The following RAD1 variants were observed in gnomAD, a reference collection of about 807,000 sequenced individuals.
RAD1 encodes the protein cell cycle checkpoint protein RAD1.
Under a neutral mutation model 30.0 loss-of-function variants are expected in RAD1, and 21 were observed. The ratio of observed to expected loss-of-function variants is 0.70; its 90% CI spans 0.50 to 1.01. RAD1 has a LOEUF of 1.01. Among genes scored for constraint, RAD1 ranks in the 50% least tolerant of loss-of-function variants. The pLI is 0.00. For synonymous variants in RAD1, 109 were observed against 113.6 expected (o/e 0.96, Z 0.26); for missense variants, 329 against 329.0 (o/e 1.00, Z 0.00).
chr5:34,915,069 G>T, intron 1 of RAD1, 108 bp from the exon 2 acceptor site: 1 of 618,510 alleles, frequency 1.6e-6, no homozygotes, highest in Non-Finnish European at 2.8e-6. Flanking sequence ...GGCTGACCAG[G>T]CCGAACCCCA....
intron 4 of RAD1, among the ~76,000 whole-genome samples, chr5:34,911,003 C>T (rs186806552): frequency 2.0e-3 from 301 of 152,290 alleles, no homozygotes; most frequent in Non-Finnish European, 3.5e-3. Flanking sequence ...TACAGCATTT[C>T]CCAGGTATCT....
At position 34,914,939 on chromosome 5, in the gene RAD1, C is replaced by G. The variant is rs755364544; in HGVS notation, c.-47G>C. On this transcript the variant is annotated 5_prime_UTR_variant, in exon 2 of 6. Transcript: ENST00000382038. ...CGAGGGATGCTCCTGGGGCCAACAA[C>G]TTCTCGGCGGATCGCCAAACACCTG... The G allele has an allele frequency of 2.5e-6, 4 of 1,603,692 alleles. No individual in the cohort carries two copies. The African/African-American group carries it at 4.0e-5, about 16-fold the overall frequency.
At chr5:34,911,221 C>T (rs1406816284) in intron 4 of RAD1, among the ~76,000 whole-genome samples, 1 of 152,202 alleles carries the variant, frequency 6.6e-6, no homozygotes, top group Admixed American at 6.5e-5. Context: ...ATAATACAAA[C>T]ACCCTTTCCA....
chr5:34,914,470 TA>T (rs1393939128), intron 2 of RAD1: 4 of 555,584 alleles, frequency 7.2e-6, no homozygotes, highest in Non-Finnish European at 1.3e-5. Flanking sequence ...ATTATCTCTG[TA>T]AAACAAGATG....
intron 3 of RAD1, among the ~76,000 whole-genome samples, chr5:34,912,201 T>G (rs1561169179): frequency 6.6e-6 from 1 of 152,232 alleles, no homozygotes; most frequent in Non-Finnish European, 1.5e-5. Context: ...TGTGTAACAG[T>G]GGATTGCTGT....
chr5:34,908,531 C>A lies in RAD1; in HGVS notation c.*234G>T. On this transcript the variant is annotated 3_prime_UTR_variant, in exon 6 of 6. Transcript: ENST00000382038. ...ATTCCCATGAGTTCAAAAGACAGAA[C>A]TAAAGGACAGTCCTGAATAATCTAT... 2.8e-6 allele frequency: 1 copy of A among 361,848 alleles called. No individual in the cohort carries two copies. The highest frequency in any genetic ancestry group is 7.6e-5 in the South Asian group (1 of 13,186). The allele number at this position is 361,848 out of a possible 1,614,324, so 22.4% of individuals were successfully genotyped here.
chr5:34,908,973 G>A (rs1276835554), intron 5 of RAD1, 25 bp from the exon 6 acceptor site: 2 of 1,574,016 alleles, frequency 1.3e-6, no homozygotes, highest in Non-Finnish European at 1.7e-6. Context: ...ATAAAACGCT[G>A]TTATATCAAC....
intron 3 of RAD1, 74 bp from the exon 4 acceptor site, chr5:34,911,886 A>G (rs1763859133): frequency 1.5e-5 from 22 of 1,505,238 alleles, no homozygotes; most frequent in East Asian, 2.3e-5. Flanking sequence ...AATGATACAT[A>G]AAATTTCTCA....
rs762210840 is a variant in RAD1, at chr5:34,911,679, G to C, written c.441C>G (p.Phe147Leu). Residue 147 changes from phenylalanine (F) to leucine (L), a missense_variant, in exon 4 of 6, where the codon TTC becomes TTG. Transcript: ENST00000382038. ...QEPEETLDFD[F>L]CSTNVINKII... is the part of the protein sequence containing the mutation. ...TTTTATTAATAACATTGGTGCTGCA[G>C]AAATCAAAGTCCAGGGTCTCCTCAG... is the stretch of plus-strand genomic sequence containing the variant. The C allele has an allele frequency of 4.3e-6, 7 of 1,614,144 alleles. No homozygotes were observed. The highest frequency in any genetic ancestry group is 5.9e-6 in the Non-Finnish European group (7 of 1,180,038).
At position 34,908,687 on chromosome 5, in the gene RAD1, A is replaced by T; in HGVS notation, c.*78T>A. 7.7e-7 allele frequency: 1 copy of T among 1,295,790 alleles called. No homozygotes were observed. The highest frequency in any genetic ancestry group is 1.1e-6 in the Non-Finnish European group (1 of 941,640). The allele number at this position is 1,295,790 out of a possible 1,614,324, so 80.3% of individuals were successfully genotyped here. ...TTCTCTATAGAAAATCCAATATGAA[A>T]TGACAAAGAGTACTGTACTCAGAAT... is the stretch of plus-strand genomic sequence containing the variant. On this transcript the variant is annotated 3_prime_UTR_variant, in exon 6 of 6. Transcript: ENST00000382038.
rs751476660 is a variant in RAD1, at chr5:34,907,487, G to C, written c.*1278C>G. 1 of 152,164 alleles carries C rather than the reference G, an allele frequency of 6.6e-6. No homozygotes were observed. Among genetic ancestry groups the C allele is most frequent in the Non-Finnish European group, 1.5e-5 (1 of 68,032 alleles). 9.4% of individuals were successfully genotyped at this position (152,164 alleles called of 1,614,324 possible). The stretch of plus-strand genomic sequence containing the variant: ...AAGACAGAAGCTTCACTTTACTCAT[G>C]TAATTTTTTCTACTAGACAGGAAGA... On this transcript the variant is annotated 3_prime_UTR_variant, in exon 6 of 6. Transcript: ENST00000382038.
rs200228307 is a variant in RAD1 at position 34,911,713 on chromosome 5, G to A, written c.407C>T (p.Thr136Ile). 6.2e-7 allele frequency: 1 copy of A among 1,614,154 alleles called. No individual in the cohort carries two copies. The change falls in exon 4 of 6, where the codon ACA (threonine) becomes ATA (isoleucine). Residue 136 changes from threonine to isoleucine, a missense_variant. Thr to Ile is a moderately conservative substitution (Grantham distance 89, BLOSUM62 -1). Coordinates refer to ENST00000382038, the MANE Select transcript of RAD1 (RefSeq NM_002853.4). ...GGVVTVCKINTQEPEETLDFD... is the reference protein window; with the variant it reads ...GGVVTVCKINIQEPEETLDFD... ...GTCCAGGGTCTCCTCAGGTTCCTGT[G>A]TATTGATTTTGCAGACTGTCACCAC...
Position 34,909,238 on chromosome 5 carries a change from C to A in RAD1, c.665+20G>T, listed in dbSNP as rs372800056. 3.9e-6 allele frequency: 6 copies of A among 1,529,694 alleles called. No individual in the cohort carries two copies. The highest frequency in any genetic ancestry group is 2.8e-5 in the African/African-American group (2 of 72,726). 94.8% of individuals were successfully genotyped at this position (1,529,694 alleles called of 1,614,324 possible). ...ACCTCCTCTTTATCACCAATGACAA[C>A]CTCTATATTAAGAACTGACCTGTTG... On this transcript the variant is annotated intron_variant, in intron 5 of 5. Transcript: ENST00000382038.
At chr5:34,911,924 A>C in intron 3 of RAD1, 112 bp from the exon 4 acceptor site, 6 of 1,241,322 alleles carry the variant, frequency 4.8e-6, no homozygotes, top group Non-Finnish European at 5.7e-6. Flanking sequence ...CCAATTTCTC[A>C]CATATATGTA....
At position 34,914,916 on chromosome 5, in the gene RAD1, AGGGATGCTCCTGG is replaced by A. The variant is rs1390173797; in HGVS notation, c.-37_-25del. On this transcript the variant is annotated 5_prime_UTR_variant, in exon 2 of 6. Coordinates refer to ENST00000382038, the MANE Select transcript of RAD1 (RefSeq NM_002853.4). ...ATCGTCCACTGCGCATTCGGCCCCG[AGGGATGCTCCTGG>A]GGCCAACAACTTCTCGGCGGATCGC... is the stretch of plus-strand genomic sequence containing the variant. 1.4e-5 allele frequency: 22 copies of A among 1,613,194 alleles called. No homozygotes were observed. Among genetic ancestry groups the A allele is most frequent in the Non-Finnish European group, 1.8e-5 (21 of 1,179,520 alleles).
intron 4 of RAD1, among the ~76,000 whole-genome samples, chr5:34,910,708 G>A (rs1763807240): frequency 6.6e-6 from 1 of 152,116 alleles, no homozygotes; most frequent in Non-Finnish European, 1.5e-5. Flanking sequence ...GATTACAGGT[G>A]TCTGCCACAG....
chr5:34,914,327 T>TA (rs932167873), intron 2 of RAD1: 5 of 293,742 alleles, frequency 1.7e-5, no homozygotes, highest in Non-Finnish European at 3.3e-5. Context: ...GTGCCTCGTT[T>TA]CCACATATAT....
chr5:34,908,777 TTCAGGAACTTCTTCA>T lies in RAD1; in HGVS notation c.822_836del (p.Asp274_Pro278del), dbSNP rs752238571. 6.2e-7 allele frequency: 1 copy of T among 1,601,992 alleles called. No homozygotes were observed. Among genetic ancestry groups the T allele is most frequent in the Admixed American group, 1.8e-5 (1 of 56,270 alleles). ...TGAATTGTCATACTCAAGACTCAGATTCAGGAACTTCTTCATCAGGGCAGCAGTAATATTCCACAA... is the reference window on the plus strand; with the variant it reads ...TGAATTGTCATACTCAAGACTCAGATTCAGGGCAGCAGTAATATTCCACAA... On this transcript the variant is annotated inframe_deletion, in exon 6 of 6. Coordinates refer to ENST00000382038, the MANE Select transcript of RAD1 (RefSeq NM_002853.4).
chr5:34,913,469 C>T lies in RAD1; in HGVS notation c.307+1G>A, dbSNP rs774428596. The T allele has an allele frequency of 2.0e-6, 3 of 1,526,564 alleles. No homozygotes were observed. In the East Asian group the frequency reaches 6.8e-5, roughly 34 times the overall value. The allele number at this position is 1,526,564 out of a possible 1,614,324, so 94.6% of individuals were successfully genotyped here. A position where few individuals can be genotyped will look rare whatever the true frequency, so the allele number is the denominator to read the frequency against. The stretch of plus-strand genomic sequence containing the variant: ...ATGTCTTTATACTGATCATAGTTTA[C>T]CTGGCATAGGACTTGATCCAAAAAT... On this transcript the variant is annotated splice_donor_variant, in intron 3 of 5. Transcript: ENST00000382038. LOFTEE classifies it high-confidence loss of function.
Sources: gnomAD v4.1 joint callset for allele counts (sites outside exome capture counted in the v4.1 genomes callset) on GRCh38, gnomAD v4.1.1 for gene constraint, MANE v1.5 for transcripts, NCBI Gene and HGNC (gene_info 2026-07-23, HGNC 2026-07-21) for gene names.